NTN1: variants seen among roughly 807,000 people sequenced by gnomAD.
The protein encoded by NTN1 is netrin 1.
A neutral mutation model predicts 54.2 loss-of-function variants in NTN1; 11 were observed. That is an observed-to-expected ratio of 0.20 (90% confidence interval 0.13 to 0.34). The LOEUF (loss-of-function observed/expected upper bound fraction) is 0.34. NTN1 is among the 10% of genes least tolerant of loss of function. The pLI, the probability that NTN1 is intolerant of heterozygous loss-of-function variation, is 1.00. For missense variants in NTN1, 740 were observed against 893.1 expected, an observed-to-expected ratio of 0.83 and a Z score of 2.18; for synonymous variants, 371 against 382.0, an observed-to-expected ratio of 0.97 and a Z score of 0.33.
intron 2 of NTN1, among the ~76,000 whole-genome samples, chr17:9,144,991 G>T (rs1238883326): frequency 2.0e-5 from 3 of 152,238 alleles, no homozygotes. Context: ...TCCAGGTCCA[G>T]GGAGGGCCAG....
chr17:9,026,057 T>C (rs963243371), intron 2 of NTN1, among the ~76,000 whole-genome samples: 1 of 152,220 alleles, frequency 6.6e-6, no homozygotes, highest in Non-Finnish European at 1.5e-5. Flanking sequence ...AATGAGCCTA[T>C]TACTGTGCTG....
intron 4 of NTN1, among the ~76,000 whole-genome samples, 186 bp from the exon 5 acceptor site, chr17:9,182,730 C>T (rs2092422192): frequency 6.6e-6 from 1 of 152,202 alleles, no homozygotes; most frequent in Non-Finnish European, 1.5e-5. Flanking sequence ...CGCCACGTGC[C>T]CAGGATGCCG....
At chr17:9,007,872 C>T in the NTN1 span, among the ~76,000 whole-genome samples, 1 of 152,086 alleles carries the variant, frequency 6.6e-6, no homozygotes, top group East Asian at 1.9e-4. Context: ...GCAGGGACCA[C>T]AGGTGCAAGC....
intron 2 of NTN1, among the ~76,000 whole-genome samples, chr17:9,055,660 A>G (rs2091976819): frequency 6.6e-6 from 1 of 152,086 alleles, no homozygotes; most frequent in South Asian, 2.1e-4. Flanking sequence ...AGGTGGGAAG[A>G]GGAGAGGAAG....
intron 2 of NTN1, among the ~76,000 whole-genome samples, chr17:9,131,798 C>CT (rs945510139): frequency 1.7e-4 from 26 of 151,178 alleles, no homozygotes; most frequent in Non-Finnish European, 2.1e-4. Context: ...GCCCTTGATG[C>CT]TTTTTTTTAT....
intron 4 of NTN1, among the ~76,000 whole-genome samples, chr17:9,181,656 C>T (rs2092419258): frequency 2.0e-5 from 3 of 152,186 alleles, no homozygotes; most frequent in Admixed American, 1.3e-4. Context: ...TCAGATTTGC[C>T]CCCGGCCTGA....
intron 2 of NTN1, among the ~76,000 whole-genome samples, chr17:9,034,024 A>G (rs1422875356): frequency 6.6e-6 from 1 of 152,226 alleles, no homozygotes; most frequent in Admixed American, 6.5e-5. Flanking sequence ...GTGAAATACC[A>G]AGATACATGT....
chr17:9,194,345 G>A (rs894839788), intron 5 of NTN1, among the ~76,000 whole-genome samples: 9 of 152,216 alleles, frequency 5.9e-5, no homozygotes, highest in African/African-American at 2.2e-4. Flanking sequence ...ATGTAAGATG[G>A]AAAGTGTTCC....
chr17:9,197,035 AT>A (rs111242916), intron 5 of NTN1, among the ~76,000 whole-genome samples: 19,673 of 145,568 alleles, frequency 0.14, 1,389 homozygotes, highest in African/African-American at 0.18. Flanking sequence ...AAATCAAAGC[AT>A]TTTTTTTTTT....
rs192412102 is a variant in NTN1 at position 9,125,564 on chromosome 17, G to A, written c.1019-37249G>A. Among the ~76,000 whole-genome samples the A allele has an allele frequency of 2.7e-3, 404 of 151,840 alleles. 3 individuals are homozygous for A. Among genetic ancestry groups the A allele is most frequent in the South Asian group, 1.5e-3 (7 of 4,798 alleles). On this transcript the variant is annotated intron_variant, in intron 2 of 6. Transcript: ENST00000173229. Reference sequence around the variant, plus strand: ...TTTTAAAAATCTTTTTGTAGAGATGGGATCTCACCATGTTGCCCAGTCTGG... The same window carrying A: ...TTTTAAAAATCTTTTTGTAGAGATGAGATCTCACCATGTTGCCCAGTCTGG...
chr17:9,121,308 G>T (rs1327879717), intron 2 of NTN1, among the ~76,000 whole-genome samples: 1 of 152,160 alleles, frequency 6.6e-6, no homozygotes, highest in East Asian at 1.9e-4. Context: ...GCACGTCCCC[G>T]GCCGCTCCCT....
chr17:9,235,790 T>TGTCACCC (rs1366857914), intron 6 of NTN1, among the ~76,000 whole-genome samples: 2 of 146,474 alleles, frequency 1.4e-5, no homozygotes, highest in Non-Finnish European at 2.9e-5. Flanking sequence ...CCCTGTCCCC[T>TGTCACCC]GTCACCCAGG....
Position 9,033,816 on chromosome 17 carries a change from C to T in NTN1, c.1018+10425C>T, listed in dbSNP as rs1206232135. Among the ~76,000 whole-genome samples the T allele has an allele frequency of 2.0e-5, 3 of 150,064 alleles. No homozygotes were observed. The East Asian group carries it at 5.9e-4, about 30-fold the overall frequency. ...CCTGTAATCCCAGCTACTTGGGAGGCTGAGGCAGGAGAATTACTTGAATCT... is the reference window on the plus strand; with the variant it reads ...CCTGTAATCCCAGCTACTTGGGAGGTTGAGGCAGGAGAATTACTTGAATCT... On this transcript the variant is annotated intron_variant, in intron 2 of 6. Transcript: ENST00000173229.
chr17:9,076,957 G>C (rs1457033005), intron 2 of NTN1, among the ~76,000 whole-genome samples: 2 of 152,098 alleles, frequency 1.3e-5, no homozygotes, highest in Non-Finnish European at 2.9e-5. Context: ...AGTTATTCTA[G>C]GAAGCCCAGT....
chr17:9,215,714 C>CTTGTTG (rs990419827), intron 5 of NTN1, among the ~76,000 whole-genome samples: 1 of 152,088 alleles, frequency 6.6e-6, no homozygotes, highest in Non-Finnish European at 1.5e-5. Context: ...ATCTCACTGG[C>CTTGTTG]TTGTTGTTGT....
chr17:9,087,150 G>T (rs1357136856), intron 2 of NTN1, among the ~76,000 whole-genome samples: 2 of 152,190 alleles, frequency 1.3e-5, no homozygotes, highest in African/African-American at 4.8e-5. Flanking sequence ...TTAGACTCAG[G>T]ATTCAAGTTC....
rs1555580872 is a variant in NTN1 at position 9,240,006 on chromosome 17, G to GGCGGGGCCGAGCGAGA, written c.*44_*59dup. On this transcript the variant is annotated 3_prime_UTR_variant, in exon 7 of 7. Coordinates refer to ENST00000173229, the MANE Select transcript of NTN1 (RefSeq NM_004822.3). ...GGGCGGGCGGGCGGGCGGGCGCCAG[G>GGCGGGGCCGAGCGAGA]GCGGGGCCGAGCGAGAGCGGGCGCC... 1.5e-6 allele frequency: 2 copies of GGCGGGGCCGAGCGAGA among 1,297,408 alleles called. No homozygotes were observed. Among genetic ancestry groups the GGCGGGGCCGAGCGAGA allele is most frequent in the East Asian group, 6.4e-5 (2 of 31,066 alleles). 80.4% of individuals were successfully genotyped at this position (1,297,408 alleles called of 1,614,324 possible).
chr17:9,006,101 G>C, the NTN1 span, among the ~76,000 whole-genome samples: 1 of 151,738 alleles, frequency 6.6e-6, no homozygotes, highest in Non-Finnish European at 1.5e-5. Context: ...TGTGAAGTGG[G>C]CGGTGGAGGG....
chr17:9,151,102 G>GAC (rs1263068232), intron 2 of NTN1, among the ~76,000 whole-genome samples: 1 of 152,120 alleles, frequency 6.6e-6, no homozygotes, highest in Non-Finnish European at 1.5e-5. Flanking sequence ...CCAGACTTAA[G>GAC]ACTTATCTGC....
Sources: allele counts gnomAD v4.1 joint callset (sites outside exome capture counted in the v4.1 genomes callset), GRCh38; gene constraint gnomAD v4.1.1; transcripts MANE v1.5; gene names NCBI Gene and HGNC (gene_info 2026-07-23, HGNC 2026-07-21).